MED14: variants seen among roughly 807,000 people sequenced by gnomAD.
MED14 encodes the protein mediator of RNA polymerase II transcription subunit 14.
MED14 carries 8 observed loss-of-function variants against 109.0 expected under a neutral mutation model. The ratio of observed to expected loss-of-function variants is 0.07; its 90% CI spans 0.04 to 0.13. MED14 has a LOEUF of 0.13. MED14 is among the 10% of genes least tolerant of loss of function. MED14 has a pLI of 1.00. For missense variants in MED14, 711 were observed against 1,142.4 expected (o/e 0.62, Z 5.44); for synonymous variants, 399 against 408.7 (o/e 0.98, Z 0.29).
At chrX:40,733,051 A>G (rs1932133072) in intron 1 of MED14, among the ~76,000 whole-genome samples, 1 of 111,053 alleles carries the variant, frequency 9.0e-6, no homozygotes, top group African/African-American at 3.3e-5. Flanking sequence ...ATTATGCTCA[A>G]AAGTGTCCCG....
intron 18 of MED14, 73 bp from the exon 19 acceptor site, chrX:40,682,016 G>A: frequency 2.1e-6 from 1 of 469,442 alleles, no homozygotes; most frequent in Non-Finnish European, 3.4e-6. Flanking sequence ...TGAGTAACAG[G>A]GCATTTTGGC....
At chrX:40,704,920 C>T (rs148261711) in intron 10 of MED14, among the ~76,000 whole-genome samples, 4,348 of 110,939 alleles carry the variant, frequency 0.039, 69 homozygotes, top group South Asian at 0.1. Flanking sequence ...GGATGCCCAA[C>T]CAGTAAGTAC....
At chrX:40,728,477 G>C (rs186595628) in intron 2 of MED14, among the ~76,000 whole-genome samples, 1 of 110,395 alleles carries the variant, frequency 9.1e-6, no homozygotes, top group African/African-American at 3.3e-5. Flanking sequence ...TTAAGTTGGG[G>C]TTGGCAATGG....
chrX:40,728,137 T>A (rs760896485), intron 2 of MED14, among the ~76,000 whole-genome samples: 2 of 112,004 alleles, frequency 1.8e-5, no homozygotes, highest in South Asian at 7.4e-4. Flanking sequence ...CAATGGCTTA[T>A]AGAGGATGCA....
upstream of MED14, chrX:40,735,631 G>A (rs941102869): frequency 1.8e-5 from 9 of 498,726 alleles, no homozygotes; most frequent in Non-Finnish European, 2.9e-5. Flanking sequence ...GGGGGAGGCG[G>A]GGATGGGGGG....
intron 11 of MED14, among the ~76,000 whole-genome samples, chrX:40,703,180 A>C (rs996633479): frequency 8.9e-6 from 1 of 112,069 alleles, no homozygotes; most frequent in African/African-American, 3.2e-5. Context: ...TAACCTAAAA[A>C]ACAGCAGCCA....
chrX:40,728,187 T>A (rs1186170261), intron 2 of MED14, among the ~76,000 whole-genome samples: 1 of 111,618 alleles, frequency 9.0e-6, no homozygotes, highest in African/African-American at 3.3e-5. Context: ...CACTTGTCTA[T>A]CATTAATTCG....
At chrX:40,699,976 C>T (rs971195505) in intron 12 of MED14, among the ~76,000 whole-genome samples, 2 of 110,085 alleles carry the variant, frequency 1.8e-5, no homozygotes, top group Non-Finnish European at 3.8e-5. Flanking sequence ...GGTGAAACTC[C>T]GTCTCTACTA....
At chrX:40,657,751 G>A (rs1371009284) in intron 28 of MED14, among the ~76,000 whole-genome samples, 1 of 111,806 alleles carries the variant, frequency 8.9e-6, no homozygotes, top group Non-Finnish European at 1.9e-5. Flanking sequence ...TGCTGCCCAC[G>A]GAGCATCTTG....
Position 40,651,136 on chromosome X carries a change from AAAG to A in MED14, c.*667_*669del, listed in dbSNP as rs1928849351. On this transcript the variant is annotated 3_prime_UTR_variant, in exon 31 of 31. Transcript: ENST00000324817. The stretch of plus-strand genomic sequence containing the variant: ...GAAGAAAATATATTAACCTTGACAT[AAAG>A]AAGATGTTTTTGGTCAAATTTCAGA... The A allele has an allele frequency of 2.1e-5, 16 of 748,990 alleles. No individual in the cohort carries two copies. The highest frequency in any genetic ancestry group is 2.5e-5 in the Non-Finnish European group (16 of 635,488). The allele number at this position is 748,990 out of a possible 1,213,427, so 61.7% of individuals were successfully genotyped here.
At chrX:40,708,332 G>C (rs1931222972) in intron 10 of MED14, among the ~76,000 whole-genome samples, 1 of 111,675 alleles carries the variant, frequency 9.0e-6, no homozygotes, top group African/African-American at 3.3e-5. Context: ...TTCCTTGAAT[G>C]AGTATGTATT....
At chrX:40,678,231 T>C (rs946183764) in intron 21 of MED14, among the ~76,000 whole-genome samples, 2 of 111,615 alleles carry the variant, frequency 1.8e-5, no homozygotes, top group Non-Finnish European at 3.8e-5. Context: ...TCAGTCCAAA[T>C]TGGAGCAGGT....
At chrX:40,700,098 G>A (rs1930866973) in intron 12 of MED14, among the ~76,000 whole-genome samples, 1 of 110,554 alleles carries the variant, frequency 9.0e-6, no homozygotes, top group African/African-American at 3.3e-5. Flanking sequence ...GCAGTGAGCC[G>A]AGATGACGCC....
Position 40,680,899 on chromosome X carries a change from T to C in MED14, c.2469A>G (p.Gln823=), listed in dbSNP as rs906283713. 4.3e-6 allele frequency: 5 copies of C among 1,163,963 alleles called. No individual in the cohort carries two copies. Among genetic ancestry groups the C allele is most frequent in the East Asian group, 3.0e-5 (1 of 33,288 alleles). ...GTTKGSSISI[Q]WNSIHQKFHI... ...GGAATTTTTGATGGATCGAATTCCA[T>C]TGGATACTAATCTAAATAAAAAAGA... Residue 823 remains glutamine, a synonymous_variant, in exon 20 of 31, where the codon CAA becomes CAG. Coordinates refer to ENST00000324817, the MANE Select transcript of MED14 (RefSeq NM_004229.4).
chrX:40,706,914 G>T (rs999920549), intron 10 of MED14, among the ~76,000 whole-genome samples: 1 of 111,621 alleles, frequency 9.0e-6, no homozygotes, highest in African/African-American at 3.3e-5. Flanking sequence ...CTCAACAAAC[G>T]AAGTTTTGAA....
At chrX:40,683,079 C>T in intron 16 of MED14, 83 bp from the exon 17 acceptor site, 1 of 837,086 alleles carries the variant, frequency 1.2e-6, no homozygotes, top group Non-Finnish European at 1.7e-6. Flanking sequence ...TATGACATTA[C>T]AGCTTCAGTT....
chrX:40,666,900 T>A (rs1196351969), intron 23 of MED14, 49 bp from the exon 24 acceptor site: 2 of 1,080,580 alleles, frequency 1.9e-6, no homozygotes, highest in Non-Finnish European at 2.4e-6. Flanking sequence ...ACATTTTATG[T>A]CCTGTCCAAG....
At chrX:40,697,848 AT>A (rs1490871543) in intron 12 of MED14, among the ~76,000 whole-genome samples, 1 of 112,102 alleles carries the variant, frequency 8.9e-6, no homozygotes, top group African/African-American at 3.2e-5. Flanking sequence ...GCCTTGATGA[AT>A]AGGGCAAAGA....
At chrX:40,672,013 G>T in intron 22 of MED14, 41 bp from the exon 23 acceptor site, 1 of 845,177 alleles carries the variant, frequency 1.2e-6, no homozygotes, top group Non-Finnish European at 1.7e-6. Context: ...ATGGCCAACC[G>T]CACGGAGCAT....
Sources: allele counts gnomAD v4.1 joint callset (sites outside exome capture counted in the v4.1 genomes callset), GRCh38; gene constraint gnomAD v4.1.1; transcripts MANE v1.5; gene names NCBI Gene and HGNC (gene_info 2026-07-23, HGNC 2026-07-21).